Variants in RPH3A observed in about 807,000 individuals in gnomAD.
The protein encoded by RPH3A is rabphilin 3A, also known as rabphilin-3A.
A neutral mutation model predicts 102.2 loss-of-function variants in RPH3A; 48 were observed. The observed-to-expected ratio is 0.47, with a 90% CI of 0.37 to 0.60. The LOEUF is 0.60. Among genes scored for constraint, RPH3A ranks in the 20% least tolerant of loss-of-function variants. RPH3A has a pLI of 0.00. For missense variants in RPH3A, 781 were observed against 910.1 expected (o/e 0.86, Z 1.83); for synonymous variants, 310 against 324.3 (o/e 0.96, Z 0.47).
intron 1 of RPH3A, among the ~76,000 whole-genome samples, chr12:112,785,698 C>A (rs4589358): frequency 0.13 from 19,872 of 152,104 alleles, 2,739 homozygotes; most frequent in African/African-American, 0.35. Context: ...AGACAGAGAA[C>A]CTGAGGCAAA....
At chr12:112,699,221 T>C (rs887459227) in intron 1 of RPH3A, among the ~76,000 whole-genome samples, 1 of 152,166 alleles carries the variant, frequency 6.6e-6, no homozygotes, top group Non-Finnish European at 1.5e-5. Flanking sequence ...GTGCCCAGCC[T>C]GAATAGTTTC....
intron 1 of RPH3A, among the ~76,000 whole-genome samples, chr12:112,627,437 TA>T (rs1247754564): frequency 1.3e-5 from 2 of 150,102 alleles, no homozygotes; most frequent in Non-Finnish European, 3.0e-5. Context: ...ACAATTGCAA[TA>T]TCATATGATT....
chr12:112,839,037 G>A (rs1267887800), intron 4 of RPH3A, among the ~76,000 whole-genome samples: 2 of 152,054 alleles, frequency 1.3e-5, no homozygotes, highest in East Asian at 1.9e-4. Flanking sequence ...ATGATTCTTG[G>A]CAATTCCCTT....
chr12:112,670,264 C>T (rs1001102028), intron 1 of RPH3A, among the ~76,000 whole-genome samples: 2 of 152,116 alleles, frequency 1.3e-5, no homozygotes, highest in Admixed American at 1.3e-4. Context: ...CTCACTGCAA[C>T]CTCTGTTTCC....
intron 14 of RPH3A, among the ~76,000 whole-genome samples, chr12:112,880,625 A>G (rs1176255919): frequency 6.6e-6 from 1 of 152,192 alleles, no homozygotes. Context: ...ATCAATGGAC[A>G]CAATACACTT....
intron 1 of RPH3A, among the ~76,000 whole-genome samples, chr12:112,782,748 C>T (rs1185139161): frequency 6.6e-6 from 1 of 152,196 alleles, no homozygotes; most frequent in Non-Finnish European, 1.5e-5. Context: ...CAAGACTATT[C>T]TGGTGTGGAG....
intron 16 of RPH3A, 69 bp downstream of exon 16, chr12:112,883,471 G>A: frequency 1.8e-6 from 2 of 1,112,910 alleles, no homozygotes; most frequent in Middle Eastern, 1.9e-4. Flanking sequence ...CTGAGACTTG[G>A]GGTGAGGCCC....
intron 1 of RPH3A, among the ~76,000 whole-genome samples, chr12:112,751,507 A>G (rs2040785788): frequency 6.6e-6 from 1 of 152,220 alleles, no homozygotes; most frequent in South Asian, 2.1e-4. Flanking sequence ...GCCTGGCATG[A>G]AGTCCATGCT....
At chr12:112,835,480 G>A (rs1419494567) in intron 3 of RPH3A, among the ~76,000 whole-genome samples, 1 of 152,168 alleles carries the variant, frequency 6.6e-6, no homozygotes, top group Non-Finnish European at 1.5e-5. Flanking sequence ...CAGTCTGGAC[G>A]CCATTTCATT....
chr12:112,651,568 T>C (rs748492896), intron 1 of RPH3A, among the ~76,000 whole-genome samples: 3 of 152,234 alleles, frequency 2.0e-5, no homozygotes, highest in Non-Finnish European at 2.9e-5. Flanking sequence ...TGAACTTTCA[T>C]TTTCTAATTG....
At chr12:112,663,059 G>GGTGTGTGTGTGTGTGTGTGTGTGT (rs60392620) in intron 1 of RPH3A, among the ~76,000 whole-genome samples, 8 of 141,136 alleles carry the variant, frequency 5.7e-5, no homozygotes, top group African/African-American at 1.9e-4. Context: ...CTAAGTGATT[G>GGTGTGTGTGTGTGTGTGTGTGTGT]GTGTGTGTGT....
chr12:112,871,061 A>G (rs1345479593), intron 10 of RPH3A, among the ~76,000 whole-genome samples: 1 of 152,236 alleles, frequency 6.6e-6, no homozygotes, highest in Non-Finnish European at 1.5e-5. Flanking sequence ...AGGTCACACA[A>G]CTGATAATTG....
chr12:112,732,062 CT>C (rs1565864017), intron 1 of RPH3A, among the ~76,000 whole-genome samples: 1 of 152,214 alleles, frequency 6.6e-6, no homozygotes, highest in Non-Finnish European at 1.5e-5. Context: ...TCAGCAATGA[CT>C]TCTTTCAAAA....
intron 3 of RPH3A, among the ~76,000 whole-genome samples, chr12:112,832,211 C>T (rs1004184656): frequency 2.0e-5 from 3 of 152,178 alleles, no homozygotes; most frequent in East Asian, 1.9e-4. Context: ...AATTTCTTCA[C>T]GTCTTTCATC....
intron 5 of RPH3A, among the ~76,000 whole-genome samples, chr12:112,851,897 G>A (rs1454645456): frequency 6.6e-6 from 1 of 152,200 alleles, no homozygotes; most frequent in Non-Finnish European, 1.5e-5. Context: ...TTGCTCACAA[G>A]AAAGGAAACT....
intron 5 of RPH3A, among the ~76,000 whole-genome samples, chr12:112,850,586 C>T (rs1219921215): frequency 6.6e-6 from 1 of 152,190 alleles, no homozygotes; most frequent in East Asian, 1.9e-4. Context: ...GGTTGTTCCA[C>T]AGCGCCCTTC....
At chr12:112,665,026 T>C (rs2040075043) in intron 1 of RPH3A, among the ~76,000 whole-genome samples, 1 of 152,046 alleles carries the variant, frequency 6.6e-6, no homozygotes, top group African/African-American at 2.4e-5. Flanking sequence ...TTACACATGG[T>C]CCATTTGAGG....
At chr12:112,810,316 C>T (rs1326857450) in intron 2 of RPH3A, among the ~76,000 whole-genome samples, 1 of 152,212 alleles carries the variant, frequency 6.6e-6, no homozygotes, top group African/African-American at 2.4e-5. Context: ...GGCAGCCTGG[C>T]TGGGGATGAA....
At chr12:112,595,597 C>G (rs779320758) in intron 1 of RPH3A, among the ~76,000 whole-genome samples, 2 of 152,064 alleles carry the variant, frequency 1.3e-5, no homozygotes, top group Admixed American at 1.3e-4. Flanking sequence ...CACCCACCCA[C>G]GCAGGACCGT....
Sources: gnomAD v4.1 joint callset for allele counts (sites outside exome capture counted in the v4.1 genomes callset) on GRCh38, gnomAD v4.1.1 for gene constraint, MANE v1.5 for transcripts, NCBI Gene and HGNC (gene_info 2026-07-23, HGNC 2026-07-21) for gene names.